Variants in LCAT observed in about 807,000 individuals in gnomAD.
LCAT encodes lecithin-cholesterol acyltransferase.
Under a neutral mutation model 41.0 loss-of-function variants are expected in LCAT, and 15 were observed. That is an observed-to-expected ratio of 0.37 (90% CI 0.24 to 0.56). The LOEUF is 0.56. Ranked by LOEUF, LCAT falls within the 20% of genes least tolerant of loss-of-function variation. The probability of loss-of-function intolerance (pLI) is 0.81; values close to 1 mark genes in which losing one functional copy is unlikely to be tolerated. For synonymous variants in LCAT, 248 were observed against 245.4 expected, an observed-to-expected ratio of 1.01 and a Z score of -0.10; for missense variants, 449 against 595.1, an observed-to-expected ratio of 0.75 and a Z score of 2.55.
Position 67,939,937 on chromosome 16 carries a change from CG to C in LCAT, c.1289del (p.Pro430ArgfsTer19). 1 of 1,613,366 alleles carries C rather than the reference CG, an allele frequency of 6.2e-7. No homozygotes were observed. The highest frequency in any genetic ancestry group is 8.5e-7 in the Non-Finnish European group (1 of 1,179,936). Reference protein sequence around the residue: ...GAYRQGPPASPTASPEPPPPE With the variant: ...GAYRQGPPASXTASPEPPPPE ...GAGGCGGGGGCTCTGGGCTGGCAGTCGGGGATGCAGGGGGACCCTGGCGGTA... is the reference window on the plus strand; with the variant it reads ...GAGGCGGGGGCTCTGGGCTGGCAGTCGGGATGCAGGGGGACCCTGGCGGTA... On this transcript the variant is annotated frameshift_variant, in exon 6 of 6. Transcript: ENST00000264005. LOFTEE classifies it high-confidence loss of function.
Position 67,940,126 on chromosome 16 carries a change from A to G in LCAT, c.1101T>C (p.Asp367=), listed in dbSNP as rs747810420. The G allele has an allele frequency of 3.7e-6, 6 of 1,613,362 alleles. No homozygotes were observed. In the South Asian group the frequency reaches 5.5e-5, roughly 15 times the overall value. The part of the protein sequence containing the change: ...YTDPVGVLYE[D]GDDTVATRST... ...TGCGGGTCGCCACCGTGTCATCACC[A>G]TCCTCATAGAGCACACCCACAGGGT... is the stretch of plus-strand genomic sequence containing the variant. Residue 367 remains aspartate, a synonymous_variant, in exon 6 of 6, where the codon GAT becomes GAC. Transcript: ENST00000264005.
In LCAT at chr16:67,940,036, G is replaced by A. The variant is rs202010908; in HGVS notation, c.1191C>T (p.His397=). The A allele has an allele frequency of 3.8e-5, 62 of 1,613,570 alleles. No individual in the cohort carries two copies. The highest frequency in any genetic ancestry group is 5.3e-5 in the African/African-American group (4 of 75,060). The part of the protein sequence containing the change: ...QPQPVHLLPL[H]GIQHLNMVFS... ...AGACCATGTTGAGATGCTGTATCCC[G>A]TGCAGGGGCAGCAGGTGCACAGGCT... The change falls in exon 6 of 6, where the codon CAC becomes CAT. Residue 397 remains histidine (H), a synonymous_variant. Coordinates refer to ENST00000264005, the MANE Select transcript of LCAT (RefSeq NM_000229.2).
At chr16:67,941,141 T>C (rs925594441) in intron 5 of LCAT, among the ~76,000 whole-genome samples, 1 of 151,940 alleles carries the variant, frequency 6.6e-6, no homozygotes. Context: ...TAATCTCTAC[T>C]AAAAATATAA....
rs1243365894 is a variant in LCAT, at chr16:67,943,384, C to T, written c.155-172G>A. 1 of 676,158 alleles carries T rather than the reference C, an allele frequency of 1.5e-6. No homozygotes were observed. The allele number at this position is 676,158 out of a possible 1,614,324, so 41.9% of individuals were successfully genotyped here. ...ACACCCCCTCTCCCTGCTGTCCCCC[C>T]AGTAGCCAAAGCCCAGGCTTCCCTG... On this transcript the variant is annotated intron_variant, in intron 1 of 5. Coordinates refer to ENST00000264005, the MANE Select transcript of LCAT (RefSeq NM_000229.2). This position sits in a 1 kb window ranked among gnomAD's most constrained non-coding sequence, Gnocchi z 4.6.
intron 5 of LCAT, 162 bp from the exon 6 acceptor site, chr16:67,940,640 C>A: frequency 8.2e-7 from 1 of 1,219,846 alleles, no homozygotes; most frequent in Non-Finnish European, 1.1e-6. Context: ...CAATGATGCT[C>A]AGTGTCAGCT....
intron 5 of LCAT, chr16:67,941,579 T>C: frequency 4.2e-6 from 4 of 945,784 alleles, no homozygotes; most frequent in Non-Finnish European, 5.0e-6. Flanking sequence ...ATCACGCCAC[T>C]GCACTCCAGC....
At position 67,942,772 on chromosome 16, in the gene LCAT, G is replaced by C. The variant is rs1003444341; in HGVS notation, c.428-6C>G. 6.2e-7 allele frequency: 1 copy of C among 1,612,660 alleles called. No homozygotes were observed. The highest frequency in any genetic ancestry group is 1.3e-5 in the African/African-American group (1 of 74,918). On this transcript the variant is annotated splice_polypyrimidine_tract_variant and splice_region_variant and intron_variant, in intron 3 of 5. Transcript: ENST00000264005. The surrounding 1 kb of genome is among the most constrained non-coding windows in gnomAD (Gnocchi z 6.6). Reference sequence around the variant, plus strand: ...CACCAGTGTGTGCAGGTACCCTGTGGGGGGACCAGCAGCACCGGGGGCTTG... The same window carrying C: ...CACCAGTGTGTGCAGGTACCCTGTGCGGGGACCAGCAGCACCGGGGGCTTG...
chr16:67,943,868 G>T lies in LCAT; in HGVS notation c.154+80C>A. 2 of 1,349,478 alleles carry T rather than the reference G, an allele frequency of 1.5e-6. No homozygotes were observed. Among genetic ancestry groups the T allele is most frequent in the Non-Finnish European group, 2.0e-6 (2 of 990,964 alleles). 83.6% of individuals were successfully genotyped at this position (1,349,478 alleles called of 1,614,324 possible). A position where few individuals can be genotyped will look rare whatever the true frequency, so the allele number is the denominator to read the frequency against. On this transcript the variant is annotated intron_variant, in intron 1 of 5. Transcript: ENST00000264005. The surrounding 1 kb of genome is among the most constrained non-coding windows in gnomAD (Gnocchi z 4.6). ...GGCTTATGCAGGGCAGAAGGGCTTT[G>T]GCCAGGTCAGCTGCCAGGGGCTGGG... is the stretch of plus-strand genomic sequence containing the variant.
At position 67,942,831 on chromosome 16, in the gene LCAT, G is replaced by A. The variant is rs201117928; in HGVS notation, c.427+30C>T. The A allele has an allele frequency of 1.3e-3, 2,108 of 1,612,866 alleles. 1 individual carries two copies. The highest frequency in any genetic ancestry group is 2.6e-3 in the Middle Eastern group (16 of 6,062). On this transcript the variant is annotated intron_variant, in intron 3 of 5. Transcript: ENST00000264005. The surrounding 1 kb of genome is among the most constrained non-coding windows in gnomAD (Gnocchi z 6.6). ...CTGCTGTGGGCCAGCACCCAGGCCT[G>A]GAGCCCCAGCCCTGCCCTCTGACAC...
In LCAT at chr16:67,943,730, G is replaced by A. The variant is rs2058308476; in HGVS notation, c.154+218C>T. The A allele has an allele frequency of 5.2e-6, 3 of 571,954 alleles. No individual in the cohort carries two copies. 35.4% of individuals were successfully genotyped at this position (571,954 alleles called of 1,614,324 possible). A position where few individuals can be genotyped will look rare whatever the true frequency, so the allele number is the denominator to read the frequency against. On this transcript the variant is annotated intron_variant, in intron 1 of 5. Transcript: ENST00000264005. The surrounding 1 kb of genome is among the most constrained non-coding windows in gnomAD (Gnocchi z 4.6). ...TCAGGCACACCCCGTCCCCCACTCC[G>A]CCCCCCCTGGGTTAGACAACTGAGA...
Position 67,943,299 on chromosome 16 carries a change from ACCC to A in LCAT, c.155-90_155-88del. On this transcript the variant is annotated intron_variant, in intron 1 of 5. Transcript: ENST00000264005. This position sits in a 1 kb window ranked among gnomAD's most constrained non-coding sequence, Gnocchi z 4.6. ...CCCAGATGCTGCAGTGACCAGACCC[ACCC>A]CCCACCTCCCATACCCTCAACCCCC... is the stretch of plus-strand genomic sequence containing the variant. 1 of 1,326,256 alleles carries A rather than the reference ACCC, an allele frequency of 7.5e-7. No homozygotes were observed. The allele number at this position is 1,326,256 out of a possible 1,614,324, so 82.2% of individuals were successfully genotyped here.
Position 67,942,320 on chromosome 16 carries a change from G to C in LCAT, c.748+43C>G. On this transcript the variant is annotated intron_variant, in intron 5 of 5. Transcript: ENST00000264005. The surrounding 1 kb of genome is among the most constrained non-coding windows in gnomAD (Gnocchi z 6.6). ...ATGAAGGCAGGCCCAGGATCAGCTTGGTCTCACCCATCGCTGGACCTAAGT... is the reference window on the plus strand; with the variant it reads ...ATGAAGGCAGGCCCAGGATCAGCTTCGTCTCACCCATCGCTGGACCTAAGT... 6.3e-7 allele frequency: 1 copy of C among 1,586,450 alleles called. No homozygotes were observed. Among genetic ancestry groups the C allele is most frequent in the Admixed American group, 1.7e-5 (1 of 59,632 alleles).
chr16:67,942,105 C>T lies in LCAT; in HGVS notation c.748+258G>A. ...CAGGCTCTGGGGCTACAAGAACAAA[C>T]CCTGGGAGCAGATAGCTGGGATTCA... On this transcript the variant is annotated intron_variant, in intron 5 of 5. Transcript: ENST00000264005. This position sits in a 1 kb window ranked among gnomAD's most constrained non-coding sequence, Gnocchi z 6.6. The T allele has an allele frequency of 8.6e-6, 12 of 1,388,902 alleles. No individual in the cohort carries two copies. Among genetic ancestry groups the T allele is most frequent in the Non-Finnish European group, 1.1e-5 (12 of 1,065,526 alleles). The allele number at this position is 1,388,902 out of a possible 1,614,324, so 86.0% of individuals were successfully genotyped here. A position where few individuals can be genotyped will look rare whatever the true frequency, so the allele number is the denominator to read the frequency against.
intron 5 of LCAT, 136 bp from the exon 6 acceptor site, chr16:67,940,614 G>T: frequency 7.2e-7 from 1 of 1,390,098 alleles, no homozygotes; most frequent in African/African-American, 1.4e-5. Context: ...CCACAGGCTT[G>T]AGCAGGCCTG....
Position 67,939,810 on chromosome 16 carries a change from T to C in LCAT, c.*94A>G, listed in dbSNP as rs2151319758. 1.3e-6 allele frequency: 2 copies of C among 1,552,994 alleles called. No homozygotes were observed. Among genetic ancestry groups the C allele is most frequent in the Non-Finnish European group, 1.7e-6 (2 of 1,146,646 alleles). On this transcript the variant is annotated 3_prime_UTR_variant, in exon 6 of 6. Coordinates refer to ENST00000264005, the MANE Select transcript of LCAT (RefSeq NM_000229.2). ...CTCACTGCACACAGCACTGAGCCTG[T>C]GGCTGGTGAGGAGTGAAACCTAGTG... is the stretch of plus-strand genomic sequence containing the variant.
Position 67,943,198 on chromosome 16 carries a change from C to G in LCAT, c.169G>C (p.Gly57Arg), listed in dbSNP as rs2058302561. 2.5e-6 allele frequency: 4 copies of G among 1,613,328 alleles called. No homozygotes were observed. The highest frequency in any genetic ancestry group is 2.5e-6 in the Non-Finnish European group (3 of 1,179,956). ...TCCAGCTTGGCTTCTAGCTGATTCC[C>G]CAGGCAGCCGGGCACTGTGAGCAGC... ...RPVILVPGCL[G>R]NQLEAKLDKP... The change falls in exon 2 of 6, where the codon GGG (glycine) becomes CGG (arginine). Residue 57 changes from glycine to arginine, a missense_variant. By Grantham distance (125) the Gly-to-Arg change is moderately radical. Coordinates refer to ENST00000264005, the MANE Select transcript of LCAT (RefSeq NM_000229.2). This position sits in a 1 kb window ranked among gnomAD's most constrained non-coding sequence, Gnocchi z 4.6.
chr16:67,944,054 C>G lies in LCAT; in HGVS notation c.48G>C (p.Gly16=), dbSNP rs1395052054. 1 of 1,547,990 alleles carries G rather than the reference C, an allele frequency of 6.5e-7. No individual in the cohort carries two copies. The highest frequency in any genetic ancestry group is 2.0e-5 in the Admixed American group (1 of 50,928). Reference sequence around the variant, plus strand: ...AGGGGGCGGCAGGAGGGAGCAGCAGCCCCAGCAGCAGCGTCACCCACTGCC... The same window carrying G: ...AGGGGGCGGCAGGAGGGAGCAGCAGGCCCAGCAGCAGCGTCACCCACTGCC... ...SPWQWVTLLL[G]LLLPPAAPFW... is the part of the protein sequence containing the mutation. Residue 16 remains glycine (G), a synonymous_variant, in exon 1 of 6, where the codon GGG becomes GGC. Coordinates refer to ENST00000264005, the MANE Select transcript of LCAT (RefSeq NM_000229.2). This position sits in a 1 kb window ranked among gnomAD's most constrained non-coding sequence, Gnocchi z 6.6.
intron 5 of LCAT, among the ~76,000 whole-genome samples, chr16:67,941,102 G>A (rs776843638): frequency 9.2e-5 from 14 of 152,158 alleles, no homozygotes; most frequent in Non-Finnish European, 1.9e-4. Context: ...TCAGGAGTTC[G>A]AGACCAGCCT....
At chr16:67,940,741 G>C in intron 5 of LCAT, 1 of 499,792 alleles carries the variant, frequency 2.0e-6, no homozygotes. Flanking sequence ...GCTCACCCCT[G>C]TAATCCCAAC....
Sources: gnomAD v4.1 joint callset for allele counts (sites outside exome capture counted in the v4.1 genomes callset) on GRCh38, gnomAD v4.1.1 for gene constraint, Gnocchi (gnomAD v3.1) non-coding constraint, MANE v1.5 for transcripts, NCBI Gene and HGNC (gene_info 2026-07-23, HGNC 2026-07-21) for gene names.